The following CMIP variants were observed in gnomAD, a reference collection of about 807,000 sequenced individuals.
CMIP encodes c-Maf inducing protein.
A neutral mutation model predicts 97.3 loss-of-function variants in CMIP; 13 were observed. The observed-to-expected ratio is 0.13, with a 90% CI of 0.09 to 0.21. The LOEUF is 0.21. Ranked by LOEUF, CMIP falls within the 10% of genes least tolerant of loss-of-function variation. The pLI, the probability that CMIP is intolerant of heterozygous loss-of-function variation, is 1.00. For synonymous variants in CMIP, 538 were observed against 436.3 expected (o/e 1.23, Z -2.91); for missense variants, 847 against 1,024.9 (o/e 0.83, Z 2.37).
chr16:81,478,213 C>T (rs1908047628), intron 1 of CMIP, among the ~76,000 whole-genome samples: 1 of 152,220 alleles, frequency 6.6e-6, no homozygotes, highest in Non-Finnish European at 1.5e-5. Flanking sequence ...TTCCCTCAAG[C>T]TTCCGGAACA....
chr16:81,537,571 A>AG (rs2090369016), intron 1 of CMIP, among the ~76,000 whole-genome samples: 1 of 134,322 alleles, frequency 7.4e-6, no homozygotes, highest in African/African-American at 2.8e-5. Context: ...AAAAAAAAAA[A>AG]GACCCAAATA....
intron 1 of CMIP, chr16:81,534,105 T>G (rs970594539): frequency 2.6e-5 from 4 of 152,220 alleles, no homozygotes; most frequent in Non-Finnish European, 4.4e-5. Flanking sequence ...TGGGCCACAC[T>G]GGTTCCTGCA....
At chr16:81,514,965 G>T (rs573052104) in intron 1 of CMIP, among the ~76,000 whole-genome samples, 2 of 152,332 alleles carry the variant, frequency 1.3e-5, no homozygotes, top group South Asian at 4.1e-4. Flanking sequence ...ACACTCCCCT[G>T]AGCATCGTTG....
intron 1 of CMIP, among the ~76,000 whole-genome samples, chr16:81,447,409 G>C (rs1199809279): frequency 6.6e-6 from 1 of 152,088 alleles, no homozygotes; most frequent in Non-Finnish European, 1.5e-5. Flanking sequence ...TTTCCGGAAA[G>C]CCAGCTCTCG....
At chr16:81,541,789 A>G (rs1467452894) in intron 1 of CMIP, among the ~76,000 whole-genome samples, 1 of 152,210 alleles carries the variant, frequency 6.6e-6, no homozygotes, top group Non-Finnish European at 1.5e-5. Context: ...CAGAAGCTGC[A>G]GCTTGTCAAT....
chr16:81,646,431 G>A (rs1443654537), intron 3 of CMIP, among the ~76,000 whole-genome samples: 1 of 152,164 alleles, frequency 6.6e-6, no homozygotes, highest in African/African-American at 2.4e-5. Context: ...ACTACCTTTG[G>A]TTTTGTCTGA....
intron 1 of CMIP, among the ~76,000 whole-genome samples, chr16:81,502,228 A>G (rs1229020210): frequency 6.6e-6 from 1 of 152,144 alleles, no homozygotes; most frequent in East Asian, 1.9e-4. Context: ...GCAGCATAAC[A>G]AGGATTAGGT....
At chr16:81,588,845 T>C (rs2091423681) in intron 1 of CMIP, among the ~76,000 whole-genome samples, 1 of 152,174 alleles carries the variant, frequency 6.6e-6, no homozygotes, top group Admixed American at 6.5e-5. Flanking sequence ...CGTCTTCCTG[T>C]GGCCCTGTCT....
rs79228608 is a variant in CMIP, at chr16:81,620,549, A to G, written c.427-327A>G. ...TCACTCCCAGGCCTCCAACCAGTTC[A>G]TCCCATTCCCTCCCATGCCCCTAAG... On this transcript the variant is annotated intron_variant, in intron 2 of 20. Transcript: ENST00000537098. The G allele has an allele frequency of 1.7e-3, 478 of 287,014 alleles. 3 individuals carry two copies. In the East Asian group the frequency reaches 0.032, roughly 19 times the overall value. 17.8% of individuals were successfully genotyped at this position (287,014 alleles called of 1,614,324 possible).
At chr16:81,593,694 C>T (rs7199054) in intron 1 of CMIP, among the ~76,000 whole-genome samples, 20,025 of 152,164 alleles carry the variant, frequency 0.13, 3,370 homozygotes, top group African/African-American at 0.4. Flanking sequence ...GCTCATTGGC[C>T]GCTGGCACAA....
At chr16:81,600,148 G>A (rs1244707464) in intron 1 of CMIP, among the ~76,000 whole-genome samples, 1 of 151,876 alleles carries the variant, frequency 6.6e-6, no homozygotes, top group Non-Finnish European at 1.5e-5. Context: ...GAGTGGTGGT[G>A]GGTGACTGTA....
At chr16:81,651,907 C>CA (rs544797754) in intron 3 of CMIP, among the ~76,000 whole-genome samples, 147 of 151,874 alleles carry the variant, frequency 9.7e-4, no homozygotes, top group East Asian at 4.3e-3. Flanking sequence ...AAAACAAAAA[C>CA]AAAAAAACAG....
At chr16:81,537,437 A>C (rs2090363854) in intron 1 of CMIP, among the ~76,000 whole-genome samples, 1 of 149,996 alleles carries the variant, frequency 6.7e-6, no homozygotes, top group Non-Finnish European at 1.5e-5. Context: ...TGGGAGGCTG[A>C]GACAGGAGAA....
intron 1 of CMIP, chr16:81,476,520 G>T: frequency 1.5e-6 from 1 of 670,544 alleles, no homozygotes; most frequent in Non-Finnish European, 2.8e-6. Context: ...GGTTGACCAT[G>T]GCTGATAGAA....
At chr16:81,513,402 G>A (rs1347649531) in intron 1 of CMIP, among the ~76,000 whole-genome samples, 3 of 152,240 alleles carry the variant, frequency 2.0e-5, no homozygotes, top group Admixed American at 1.3e-4. Flanking sequence ...TTCCGGAAAC[G>A]GCTGTTGAGT....
At chr16:81,465,205 G>T (rs1051218877) in intron 1 of CMIP, among the ~76,000 whole-genome samples, 4 of 152,230 alleles carry the variant, frequency 2.6e-5, no homozygotes, top group Non-Finnish European at 5.9e-5. Flanking sequence ...CCGACAGCCA[G>T]AGATGATAAT....
Position 81,627,375 on chromosome 16 carries a change from G to C in CMIP, c.477+6449G>C, listed in dbSNP as rs185893270. Among the ~76,000 whole-genome samples the C allele has an allele frequency of 1.3e-5, 2 of 152,040 alleles. No homozygotes were observed. Among genetic ancestry groups the C allele is most frequent in the African/African-American group, 4.8e-5 (2 of 41,364 alleles). Reference sequence around the variant, plus strand: ...CCGTGTGAGGATCGAAGGCTGTGTTGTTTGTGCAGCAGGCAGAAGGGATCC... The same window carrying C: ...CCGTGTGAGGATCGAAGGCTGTGTTCTTTGTGCAGCAGGCAGAAGGGATCC... On this transcript the variant is annotated intron_variant, in intron 3 of 20. Transcript: ENST00000537098. The surrounding 1 kb of genome is among the most constrained non-coding windows in gnomAD (Gnocchi z 4.6).
chr16:81,563,125 G>T lies in CMIP; in HGVS notation c.301-44442G>T, dbSNP rs542898188. The stretch of plus-strand genomic sequence containing the variant: ...AGCCTCCCCCAGCTGGCTGGCCATG[G>T]CTGCTATCATCTGCCAAGAGGGGGC... On this transcript the variant is annotated intron_variant, in intron 1 of 20. Transcript: ENST00000537098. 2.6e-5 allele frequency among the ~76,000 whole-genome samples: 4 copies of T among 152,366 alleles called. No homozygotes were observed. The East Asian group carries it at 7.7e-4, about 29-fold the overall frequency.
At chr16:81,670,537 C>A (rs936146074) in intron 8 of CMIP, among the ~76,000 whole-genome samples, 1 of 151,512 alleles carries the variant, frequency 6.6e-6, no homozygotes, top group Non-Finnish European at 1.5e-5. Context: ...GAACAATCAC[C>A]CCATAAACAT....
Sources: allele counts gnomAD v4.1 joint callset (sites outside exome capture counted in the v4.1 genomes callset), GRCh38; gene constraint gnomAD v4.1.1; non-coding constraint Gnocchi (gnomAD v3.1); transcripts MANE v1.5; gene names NCBI Gene and HGNC (gene_info 2026-07-23, HGNC 2026-07-21).